GALNT16: variants seen among roughly 807,000 people sequenced by gnomAD.
GALNT16 encodes the protein polypeptide N-acetylgalactosaminyltransferase 16, also known as UDP-GalNAc:polypeptide N-acetylgalactosaminyltransferase-like protein 1.
GALNT16 carries 40 observed loss-of-function variants against 76.1 expected under a neutral mutation model. That is an observed-to-expected ratio of 0.53 (90% confidence interval 0.41 to 0.68). GALNT16 has a LOEUF of 0.68. Ranked by LOEUF, GALNT16 falls within the 30% of genes least tolerant of loss-of-function variation. The pLI, the probability that GALNT16 is intolerant of heterozygous loss-of-function variation, is 0.00. For missense variants in GALNT16, 621 were observed against 731.9 expected, an observed-to-expected ratio of 0.85 and a Z score of 1.75; for synonymous variants, 276 against 285.2, an observed-to-expected ratio of 0.97 and a Z score of 0.32.
At chr14:69,259,678 C>T (rs1175947680), upstream of GALNT16, 1 of 152,680 alleles carries the variant, frequency 6.5e-6, no homozygotes, top group African/African-American at 2.4e-5. Flanking sequence ...TACACAAGGA[C>T]TCGCCGAACA....
At chr14:69,328,624 T>G (rs547543538) in intron 6 of GALNT16, 53 bp downstream of exon 6, 1 of 1,579,076 alleles carries the variant, frequency 6.3e-7, no homozygotes, top group South Asian at 1.1e-5. Flanking sequence ...AGCCACTACG[T>G]TCCTGGCACC....
At chr14:69,364,267 A>G in the GALNT16 span, among the ~76,000 whole-genome samples, 1 of 152,130 alleles carries the variant, frequency 6.6e-6, no homozygotes, top group Non-Finnish European at 1.5e-5. This position sits in a 1 kb window ranked among gnomAD's most constrained non-coding sequence, Gnocchi z 4.2. Context: ...ATTTTCATGA[A>G]ATTAGGTGAG....
Position 69,325,825 on chromosome 14 carries a change from T to C in GALNT16, c.503-137T>C, listed in dbSNP as rs969529416. ...GGCAGGGCAACCCTTCGGCCAGTAGTGATGACCATACCTCTTCCCAATCCC... is the reference window on the plus strand; with the variant it reads ...GGCAGGGCAACCCTTCGGCCAGTAGCGATGACCATACCTCTTCCCAATCCC... On this transcript the variant is annotated intron_variant, in intron 4 of 14. Transcript: ENST00000448469. The C allele has an allele frequency of 4.3e-6, 3 of 703,392 alleles. No individual in the cohort carries two copies. In the African/African-American group the frequency reaches 5.2e-5, roughly 12 times the overall value. 43.6% of individuals were successfully genotyped at this position (703,392 alleles called of 1,614,324 possible).
intron 1 of GALNT16, among the ~76,000 whole-genome samples, chr14:69,315,354 A>G (rs2045085117): frequency 6.6e-6 from 1 of 152,254 alleles, no homozygotes; most frequent in South Asian, 2.1e-4. Context: ...CCCTAAAAGT[A>G]CAAAGACTGG....
rs1000118877 is a variant in GALNT16 at position 69,333,949 on chromosome 14, G to C, written c.967+349G>C. Among the ~76,000 whole-genome samples, 1 of 152,174 alleles carries C rather than the reference G, an allele frequency of 6.6e-6. No individual in the cohort carries two copies. The highest frequency in any genetic ancestry group is 1.5e-5 in the Non-Finnish European group (1 of 68,030). ...CACGTGGCTGCTTCCCTACCAGCAAGGCTGGGAGGTGTGTGGTAGAGGGTG... is the reference window on the plus strand; with the variant it reads ...CACGTGGCTGCTTCCCTACCAGCAACGCTGGGAGGTGTGTGGTAGAGGGTG... On this transcript the variant is annotated intron_variant, in intron 9 of 14. Coordinates refer to ENST00000448469, the MANE Select transcript of GALNT16 (RefSeq NM_001168368.2). This position sits in a 1 kb window ranked among gnomAD's most constrained non-coding sequence, Gnocchi z 4.2.
intron 1 of GALNT16, among the ~76,000 whole-genome samples, chr14:69,272,336 C>A (rs2140105555): frequency 6.6e-6 from 1 of 152,150 alleles, no homozygotes; most frequent in African/African-American, 2.4e-5. Context: ...GCACTCCAGC[C>A]TGGGTGACAG....
At chr14:69,297,817 G>T (rs562228760) in intron 1 of GALNT16, among the ~76,000 whole-genome samples, 3 of 152,032 alleles carry the variant, frequency 2.0e-5, no homozygotes, top group Non-Finnish European at 4.4e-5. Flanking sequence ...TGACATAATC[G>T]TCGGTGATGA....
intron 1 of GALNT16, among the ~76,000 whole-genome samples, chr14:69,266,659 G>T (rs2044345820): frequency 6.6e-6 from 1 of 152,156 alleles, no homozygotes; most frequent in Non-Finnish European, 1.5e-5. Context: ...AGGCTGGCCA[G>T]GGTTTCTCTC....
At chr14:69,334,773 G>C (rs541509747) in intron 9 of GALNT16, among the ~76,000 whole-genome samples, 2 of 152,320 alleles carry the variant, frequency 1.3e-5, no homozygotes, top group East Asian at 3.9e-4. Flanking sequence ...GTGCCTCCCT[G>C]TCTGCCTGAG....
chr14:69,344,948 T>C (rs1308697223), intron 12 of GALNT16, among the ~76,000 whole-genome samples: 1 of 152,272 alleles, frequency 6.6e-6, no homozygotes, highest in East Asian at 1.9e-4. Context: ...CTCAAATTCT[T>C]ACAGTGGTCA....
chr14:69,283,375 C>T (rs1251830968), intron 1 of GALNT16, among the ~76,000 whole-genome samples: 1 of 152,146 alleles, frequency 6.6e-6, no homozygotes, highest in African/African-American at 2.4e-5. Flanking sequence ...GGAGGCTGGC[C>T]AGTATTGATA....
At chr14:69,285,282 T>C (rs2044596703) in intron 1 of GALNT16, among the ~76,000 whole-genome samples, 1 of 152,100 alleles carries the variant, frequency 6.6e-6, no homozygotes, top group Admixed American at 6.5e-5. Flanking sequence ...CCTCGGCCTC[T>C]CAAAGTGCTG....
chr14:69,385,294 T>G, the GALNT16 span, among the ~76,000 whole-genome samples: 1 of 152,198 alleles, frequency 6.6e-6, no homozygotes, highest in Non-Finnish European at 1.5e-5. Flanking sequence ...GGACACTTAA[T>G]GCATCCCTGA....
chr14:69,345,111 G>A (rs1010099724), intron 12 of GALNT16, among the ~76,000 whole-genome samples: 5 of 152,176 alleles, frequency 3.3e-5, no homozygotes, highest in Admixed American at 6.5e-5. Context: ...AGCTCATTGT[G>A]GCCTGATCTT....
chr14:69,322,981 T>TGCGC lies in GALNT16; in HGVS notation c.336-1706_336-1703dup, dbSNP rs1555400172. 2.1e-3 allele frequency among the ~76,000 whole-genome samples: 60 copies of TGCGC among 28,348 alleles called. 1 individual carries two copies. The highest frequency in any genetic ancestry group is 6.1e-3 in the South Asian group (4 of 652). The allele number at this position is 28,348 out of a possible 152,430, so 18.6% of individuals were successfully genotyped here. On this transcript the variant is annotated intron_variant, in intron 2 of 14. Coordinates refer to ENST00000448469, the MANE Select transcript of GALNT16 (RefSeq NM_001168368.2). ...GTGTGTGTGTGTGTGTGTGTGTGTGTGCGCGCGCACGCGCGCACGCATGCA... is the reference window on the plus strand; with the variant it reads ...GTGTGTGTGTGTGTGTGTGTGTGTGTGCGCGCGCGCGCACGCGCGCACGCATGCA...
chr14:69,367,395 C>T, the GALNT16 span, among the ~76,000 whole-genome samples: 1 of 151,696 alleles, frequency 6.6e-6, no homozygotes, highest in African/African-American at 2.4e-5. Context: ...ATAAAAGACA[C>T]CCTAGAGAAC....
At chr14:69,292,872 T>C (rs1410391537) in intron 1 of GALNT16, among the ~76,000 whole-genome samples, 2 of 152,236 alleles carry the variant, frequency 1.3e-5, no homozygotes, top group Non-Finnish European at 2.9e-5. Flanking sequence ...CAAATCACAG[T>C]GCTGAGAGCA....
chr14:69,385,651 G>GA, the GALNT16 span, among the ~76,000 whole-genome samples: 18,662 of 126,336 alleles, frequency 0.15, 1,236 homozygotes, highest in East Asian at 0.2. Flanking sequence ...TAAAAAAAAG[G>GA]AAAAAAAAAA....
intron 1 of GALNT16, among the ~76,000 whole-genome samples, chr14:69,298,352 G>A (rs2044797577): frequency 6.6e-6 from 1 of 152,234 alleles, no homozygotes; most frequent in African/African-American, 2.4e-5. Context: ...TTGTAGATAG[G>A]GAGTGGAGTG....
Sources: gnomAD v4.1 joint callset for allele counts (sites outside exome capture counted in the v4.1 genomes callset) on GRCh38, gnomAD v4.1.1 for gene constraint, Gnocchi (gnomAD v3.1) non-coding constraint, MANE v1.5 for transcripts, NCBI Gene and HGNC (gene_info 2026-07-23, HGNC 2026-07-21) for gene names.